Variants in NCKAP5 observed in about 807,000 individuals in gnomAD.
NCKAP5 encodes nck-associated protein 5.
Under a neutral mutation model 167.0 loss-of-function variants are expected in NCKAP5, and 92 were observed. The observed-to-expected ratio is 0.55, with a 90% CI of 0.47 to 0.66. NCKAP5 has a LOEUF of 0.66. NCKAP5 is among the 30% of genes least tolerant of loss of function. NCKAP5 has a pLI of 0.00. For missense variants in NCKAP5, 2,378 were observed against 2,315.0 expected, an observed-to-expected ratio of 1.03 and a Z score of -0.56; for synonymous variants, 891 against 877.4, an observed-to-expected ratio of 1.02 and a Z score of -0.27.
At chr2:132,677,496 G>A (rs993669067) in intron 19 of NCKAP5, among the ~76,000 whole-genome samples, 3 of 151,984 alleles carry the variant, frequency 2.0e-5, no homozygotes, top group African/African-American at 4.8e-5. Context: ...ACAGTCTTGT[G>A]GTCTTGATTC....
At chr2:132,909,091 A>T (rs1694231599) in intron 8 of NCKAP5, among the ~76,000 whole-genome samples, 1 of 152,234 alleles carries the variant, frequency 6.6e-6, no homozygotes, top group East Asian at 1.9e-4. Context: ...TCATGCCTGT[A>T]ATCCCAGCAC....
intron 6 of NCKAP5, among the ~76,000 whole-genome samples, chr2:133,072,510 G>A (rs975766018): frequency 2.0e-5 from 3 of 152,154 alleles, no homozygotes; most frequent in South Asian, 2.1e-4. Flanking sequence ...CCCACTCCCC[G>A]ATCGTCTATC....
chr2:133,548,218 T>G (rs1686925258), intron 2 of NCKAP5, among the ~76,000 whole-genome samples: 1 of 151,866 alleles, frequency 6.6e-6, no homozygotes, highest in Admixed American at 6.6e-5. Context: ...CCAAGAAATA[T>G]GGGACTATGT....
rs367591013 is a variant in NCKAP5 at position 132,782,688 on chromosome 2, T to C, written c.4123A>G (p.Lys1375Glu). ...GGTGGGATGAGGAGTCCCTCAGACT[T>C]TGGAGGGATCCTCAAAGGCAACTTA... The part of the protein sequence containing the change: ...PSKLPLRIPP[K>E]SEGLLIPPGK... The change falls in exon 14 of 20, where the codon AAG (lysine) becomes GAG (glutamate). Residue 1375 changes from lysine (K) to glutamate (E), a missense_variant. Around this residue, in one of 3 missense-constraint regions of NCKAP5, gnomAD observed 1,325 missense variants for 1,274.5 expected, o/e 1.04. Transcript: ENST00000409261. 9.9e-6 allele frequency: 16 copies of C among 1,613,852 alleles called. No homozygotes were observed. The highest frequency in any genetic ancestry group is 1.4e-5 in the Non-Finnish European group (16 of 1,179,838).
At chr2:132,804,645 T>G (rs1039957275) in intron 11 of NCKAP5, among the ~76,000 whole-genome samples, 1 of 152,142 alleles carries the variant, frequency 6.6e-6, no homozygotes, top group Non-Finnish European at 1.5e-5. Context: ...AATGTACCAC[T>G]TATTAGGAAG....
chr2:132,806,591 T>C (rs940792032), intron 11 of NCKAP5, among the ~76,000 whole-genome samples: 6 of 152,202 alleles, frequency 3.9e-5, no homozygotes, highest in African/African-American at 1.2e-4. Flanking sequence ...TCTATTCACG[T>C]CCTTAGCCCA....
chr2:132,914,747 A>G (rs2148968858), intron 8 of NCKAP5, among the ~76,000 whole-genome samples: 1 of 152,134 alleles, frequency 6.6e-6, no homozygotes, highest in African/African-American at 2.4e-5. Context: ...TTTCAATACA[A>G]ATGAGATAGT....
chr2:133,292,942 T>TA (rs1679705988), intron 4 of NCKAP5, among the ~76,000 whole-genome samples: 1 of 152,190 alleles, frequency 6.6e-6, no homozygotes, highest in Non-Finnish European at 1.5e-5. Flanking sequence ...TGTTAGAGCT[T>TA]AAAGTCTTAA....
chr2:133,357,698 A>T (rs1171138423), intron 3 of NCKAP5, among the ~76,000 whole-genome samples: 1 of 152,166 alleles, frequency 6.6e-6, no homozygotes, highest in Non-Finnish European at 1.5e-5. Context: ...CTTGTTTTTA[A>T]TCTTGCCCTA....
chr2:133,438,724 A>G (rs994151398), intron 3 of NCKAP5, among the ~76,000 whole-genome samples: 18 of 152,226 alleles, frequency 1.2e-4, no homozygotes, highest in African/African-American at 4.1e-4. Flanking sequence ...AACTCAGAGT[A>G]AGAATATTAA....
At chr2:133,062,950 T>TCC (rs1348252269) in intron 6 of NCKAP5, among the ~76,000 whole-genome samples, 4 of 152,320 alleles carry the variant, frequency 2.6e-5, no homozygotes, top group African/African-American at 7.2e-5. Context: ...AGCATAAGGA[T>TCC]GTGAATGTAT....
chr2:133,596,803 A>T, the NCKAP5 span, among the ~76,000 whole-genome samples: 1 of 152,166 alleles, frequency 6.6e-6, no homozygotes, highest in Admixed American at 6.5e-5. Context: ...GTAATCACAG[A>T]CTTTAGGGAC....
In NCKAP5 at chr2:133,337,003, AC is replaced by A. The variant is rs111700111; in HGVS notation, c.70-33894del. Among the ~76,000 whole-genome samples, 1,084 of 152,280 alleles carry A rather than the reference AC, an allele frequency of 7.1e-3. 15 individuals carry two copies. Among genetic ancestry groups the A allele is most frequent in the African/African-American group, 0.025 (1,018 of 41,544 alleles). ...GTGACATTTTTATAATAAATACCAA[AC>A]AACAAACATTGTCAGATCCTTTAGG... On this transcript the variant is annotated intron_variant, in intron 3 of 19. Coordinates refer to ENST00000409261, the MANE Select transcript of NCKAP5 (RefSeq NM_207363.3).
At chr2:133,560,813 T>C (rs1429744371) in intron 1 of NCKAP5, among the ~76,000 whole-genome samples, 1 of 152,214 alleles carries the variant, frequency 6.6e-6, no homozygotes, top group Non-Finnish European at 1.5e-5. Context: ...AAACCCACTT[T>C]TGTTGAGAGT....
rs138890624 is a variant in NCKAP5 at position 133,511,054 on chromosome 2, T to C, written c.69+6404A>G. ...ATCCTGGTTGAGACTTAATGCATGATTCACTAAGTGAACATGCTGAGCTGT... is the reference window on the plus strand; with the variant it reads ...ATCCTGGTTGAGACTTAATGCATGACTCACTAAGTGAACATGCTGAGCTGT... On this transcript the variant is annotated intron_variant, in intron 3 of 19. Transcript: ENST00000409261. Among the ~76,000 whole-genome samples, 213 of 152,318 alleles carry C rather than the reference T, an allele frequency of 1.4e-3. 1 individual carries two copies. The highest frequency in any genetic ancestry group is 4.8e-3 in the African/African-American group (200 of 41,572).
intron 6 of NCKAP5, among the ~76,000 whole-genome samples, chr2:133,127,441 G>T (rs2082439163): frequency 6.6e-6 from 1 of 152,086 alleles, no homozygotes; most frequent in South Asian, 2.1e-4. Flanking sequence ...ATTATAATAG[G>T]ATAAAAGTCC....
chr2:132,699,949 A>G (rs1321319723), intron 19 of NCKAP5, among the ~76,000 whole-genome samples: 4 of 152,288 alleles, frequency 2.6e-5, no homozygotes, highest in Admixed American at 6.5e-5. Context: ...CCCACCAACA[A>G]TGTAAAAGTG....
chr2:133,000,147 T>C (rs1019600400), intron 6 of NCKAP5, among the ~76,000 whole-genome samples: 9 of 152,206 alleles, frequency 5.9e-5, no homozygotes, highest in Non-Finnish European at 1.3e-4. Flanking sequence ...CCCCATGCCA[T>C]GAAGTTTGTC....
intron 4 of NCKAP5, among the ~76,000 whole-genome samples, chr2:133,258,353 C>T (rs1281816226): frequency 6.6e-6 from 1 of 152,188 alleles, no homozygotes; most frequent in East Asian, 1.9e-4. Flanking sequence ...AAACCACCTA[C>T]CCAACATCAC....
Sources: gnomAD v4.1 joint callset for allele counts (sites outside exome capture counted in the v4.1 genomes callset) on GRCh38, gnomAD v4.1.1 for gene constraint, gnomAD v4.1.1 regional missense constraint, MANE v1.5 for transcripts, NCBI Gene and HGNC (gene_info 2026-07-23, HGNC 2026-07-21) for gene names.